Variants in CFAP47 observed in about 807,000 individuals in gnomAD.
CFAP47 encodes cilia- and flagella-associated protein 47.
In CFAP47, 29 loss-of-function variants were observed where a neutral mutation model predicts 148.1. The observed-to-expected ratio is 0.20, with a 90% CI of 0.15 to 0.27. The LOEUF is 0.27. CFAP47 is among the 10% of genes least tolerant of loss of function. CFAP47 has a pLI of 1.00. For synonymous variants in CFAP47, 664 were observed against 577.3 expected, an observed-to-expected ratio of 1.15 and a Z score of -2.15; for missense variants, 1,872 against 1,697.5, an observed-to-expected ratio of 1.10 and a Z score of -1.81.
chrX:36,380,466 C>T (rs781889157), intron 63 of CFAP47, among the ~76,000 whole-genome samples: 11 of 112,100 alleles, frequency 9.8e-5, no homozygotes, highest in East Asian at 8.5e-4. Flanking sequence ...TTTCCTGAGA[C>T]GGAGTCTCGC....
chrX:36,261,532 AT>A (rs1391576729), intron 49 of CFAP47, among the ~76,000 whole-genome samples: 2 of 104,727 alleles, frequency 1.9e-5, no homozygotes, highest in Middle Eastern at 4.8e-3. Flanking sequence ...ATGACTCTTA[AT>A]GAGCATGCTG....
At chrX:36,237,298 C>A (rs926891990) in intron 48 of CFAP47, among the ~76,000 whole-genome samples, 1 of 110,253 alleles carries the variant, frequency 9.1e-6, no homozygotes, top group Non-Finnish European at 1.9e-5. Context: ...TTGTTTACAC[C>A]CTTTTACTTA....
chrX:36,125,550 T>C (rs1175176916), intron 33 of CFAP47, among the ~76,000 whole-genome samples: 1 of 112,090 alleles, frequency 8.9e-6, no homozygotes, highest in African/African-American at 3.2e-5. Context: ...TAATTTAGCA[T>C]TTTTTAATAT....
At chrX:36,245,848 G>C (rs1164776453) in intron 48 of CFAP47, among the ~76,000 whole-genome samples, 1 of 111,506 alleles carries the variant, frequency 9.0e-6, no homozygotes, top group Admixed American at 9.5e-5. Context: ...ATGGTGCTGA[G>C]ATAACTGTCT....
chrX:36,026,372 A>G (rs896502039), intron 22 of CFAP47, among the ~76,000 whole-genome samples: 10 of 111,816 alleles, frequency 8.9e-5, no homozygotes, highest in Non-Finnish European at 1.7e-4. Context: ...AATGATTTCT[A>G]TAGTCAAGCA....
At chrX:36,382,650 A>G (rs782552499) in intron 63 of CFAP47, among the ~76,000 whole-genome samples, 3 of 111,487 alleles carry the variant, frequency 2.7e-5, no homozygotes, top group African/African-American at 6.5e-5. Context: ...ATAAAAATAT[A>G]TATACAGCTT....
At chrX:35,963,698 C>T (rs1936364205) in intron 8 of CFAP47, among the ~76,000 whole-genome samples, 2 of 110,365 alleles carry the variant, frequency 1.8e-5, no homozygotes, top group Admixed American at 9.7e-5. Flanking sequence ...TGTAATATAC[C>T]ATTTTAATTT....
chrX:36,029,615 A>C (rs899350060), intron 22 of CFAP47, among the ~76,000 whole-genome samples: 4 of 110,867 alleles, frequency 3.6e-5, no homozygotes, highest in Non-Finnish European at 7.6e-5. Flanking sequence ...TGGGGAACTC[A>C]TGTCCTTTAG....
intron 49 of CFAP47, among the ~76,000 whole-genome samples, chrX:36,262,064 T>C (rs1183973307): frequency 8.9e-6 from 1 of 112,485 alleles, no homozygotes; most frequent in Non-Finnish European, 1.9e-5. Context: ...GCTTTGCGTT[T>C]CTTTTAAATT....
rs1938067570 is a variant in CFAP47 at position 36,085,492 on chromosome X, G to A, written c.4870G>A (p.Val1624Ile). Reference sequence around the variant, plus strand: ...ACCTGTAGATAACCATGAAAAAAGGGTAATTCAACTCCATTTGCAACATTC... The same window carrying A: ...ACCTGTAGATAACCATGAAAAAAGGATAATTCAACTCCATTTGCAACATTC... ...SLPVDNHEKR[V>I]IQLHLQHSSL... The change falls in exon 30 of 64, where the codon GTA (valine) becomes ATA (isoleucine). Residue 1624 changes from valine (V) to isoleucine (I), a missense_variant. By Grantham distance (29) the Val-to-Ile change is conservative. Coordinates refer to ENST00000378653, the MANE Select transcript of CFAP47 (RefSeq NM_001304548.2). The A allele has an allele frequency of 1.7e-6, 2 of 1,205,838 alleles. No homozygotes were observed. The highest frequency in any genetic ancestry group is 2.2e-6 in the Non-Finnish European group (2 of 891,443).
At chrX:36,168,169 G>C (rs755803373) in intron 39 of CFAP47, among the ~76,000 whole-genome samples, 5 of 111,068 alleles carry the variant, frequency 4.5e-5, no homozygotes, top group Non-Finnish European at 9.4e-5. Flanking sequence ...TGTTTAGTCT[G>C]TTAAATTTAA....
At chrX:36,322,985 A>T (rs2146968711) in intron 57 of CFAP47, among the ~76,000 whole-genome samples, 1 of 111,373 alleles carries the variant, frequency 9.0e-6, no homozygotes, top group South Asian at 3.7e-4. Context: ...TTATGTCACT[A>T]TTGGCATAAG....
At chrX:36,369,616 T>C (rs1442346930) in intron 62 of CFAP47, among the ~76,000 whole-genome samples, 3 of 111,482 alleles carry the variant, frequency 2.7e-5, no homozygotes, top group Admixed American at 1.9e-4. Context: ...CAAAATAACT[T>C]ACTTTTATAA....
Position 36,059,845 on chromosome X carries a change from G to A in CFAP47, c.4218-5798G>A, listed in dbSNP as rs148764748. Among the ~76,000 whole-genome samples the A allele has an allele frequency of 7.2e-5, 8 of 111,759 alleles. No individual in the cohort carries two copies. In the East Asian group the frequency reaches 1.7e-3, roughly 24 times the overall value. ...TAATGCGAATTGTTTAGGTCATGGAGTGGTTTCCTCATGAATGGCTAGGTG... is the reference window on the plus strand; with the variant it reads ...TAATGCGAATTGTTTAGGTCATGGAATGGTTTCCTCATGAATGGCTAGGTG... On this transcript the variant is annotated intron_variant, in intron 26 of 63. Coordinates refer to ENST00000378653, the MANE Select transcript of CFAP47 (RefSeq NM_001304548.2).
rs141573642 is a variant in CFAP47 at position 35,986,932 on chromosome X, G to A, written c.2714-2387G>A. ...CCCTGTTTGCCTGGGTATCACCAGC[G>A]GAGGCTGCAGAACAGCAAAATTGCT... On this transcript the variant is annotated intron_variant, in intron 15 of 63. Transcript: ENST00000378653. Among the ~76,000 whole-genome samples, 86 of 111,495 alleles carry A rather than the reference G, an allele frequency of 7.7e-4. 1 individual carries two copies. In the East Asian group the frequency reaches 0.023, roughly 29 times the overall value.
chrX:35,925,331 C>T (rs781525351), intron 1 of CFAP47, among the ~76,000 whole-genome samples: 15 of 110,391 alleles, frequency 1.4e-4, no homozygotes, highest in East Asian at 5.7e-4. Context: ...GCAGAGATCA[C>T]GCCACTGCAC....
chrX:36,308,566 A>G (rs1941368991), intron 55 of CFAP47, among the ~76,000 whole-genome samples: 1 of 111,643 alleles, frequency 9.0e-6, no homozygotes. Context: ...ATGTATGAAC[A>G]GGCATCTAAA....
intron 10 of CFAP47, 101 bp from the exon 11 acceptor site, chrX:35,970,667 C>T: frequency 1.8e-6 from 1 of 564,302 alleles, no homozygotes; most frequent in South Asian, 4.0e-5. Context: ...TGCCATTCCA[C>T]ATCCAACACC....
intron 51 of CFAP47, among the ~76,000 whole-genome samples, chrX:36,297,080 A>G (rs993575857): frequency 8.9e-6 from 1 of 112,087 alleles, no homozygotes. Flanking sequence ...CATTGCATTT[A>G]TAATCAACAC....
Sources: allele counts gnomAD v4.1 joint callset (sites outside exome capture counted in the v4.1 genomes callset), GRCh38; gene constraint gnomAD v4.1.1; transcripts MANE v1.5; gene names NCBI Gene and HGNC (gene_info 2026-07-23, HGNC 2026-07-21).